The following CAMK4 variants were observed in gnomAD, a reference collection of about 807,000 sequenced individuals.
The protein encoded by CAMK4 is calcium/calmodulin dependent protein kinase IV.
In CAMK4, 22 loss-of-function variants were observed where a neutral mutation model predicts 44.9. The observed-to-expected ratio is 0.49, with a 90% CI of 0.35 to 0.70. CAMK4 has a LOEUF of 0.70. Ranked by LOEUF, CAMK4 falls within the 30% of genes least tolerant of loss-of-function variation. CAMK4 has a pLI of 0.01. For missense variants in CAMK4, 498 were observed against 586.8 expected, an observed-to-expected ratio of 0.85 and a Z score of 1.56; for synonymous variants, 218 against 215.4, an observed-to-expected ratio of 1.01 and a Z score of -0.11.
intron 1 of CAMK4, among the ~76,000 whole-genome samples, chr5:111,312,168 TC>T (rs2112672884): frequency 6.6e-6 from 1 of 152,282 alleles, no homozygotes; most frequent in East Asian, 1.9e-4. Flanking sequence ...CCAAATGCTT[TC>T]TTGCAGCTGG....
chr5:111,444,857 GA>G (rs1169239916), intron 5 of CAMK4, among the ~76,000 whole-genome samples: 1 of 152,180 alleles, frequency 6.6e-6, no homozygotes, highest in Non-Finnish European at 1.5e-5. Flanking sequence ...CTGATTGACC[GA>G]GAAGCTCAAC....
At chr5:111,294,631 G>A (rs1350740378) in intron 1 of CAMK4, among the ~76,000 whole-genome samples, 1 of 151,814 alleles carries the variant, frequency 6.6e-6, no homozygotes, top group African/African-American at 2.4e-5. Context: ...AGACACAACT[G>A]ATGCACATGT....
intron 1 of CAMK4, among the ~76,000 whole-genome samples, chr5:111,297,900 A>G (rs998566871): frequency 2.6e-5 from 4 of 152,186 alleles, no homozygotes; most frequent in African/African-American, 9.7e-5. Context: ...ACTGTATTTC[A>G]TCAATAATTA....
chr5:111,332,046 A>G (rs1487978788), intron 1 of CAMK4, among the ~76,000 whole-genome samples: 2 of 151,608 alleles, frequency 1.3e-5, no homozygotes, highest in African/African-American at 4.8e-5. Context: ...ACGACTAAAT[A>G]TTGCTCACAC....
Position 111,251,599 on chromosome 5 carries a change from C to A in CAMK4, c.161+26955C>A, listed in dbSNP as rs543603490. 4.6e-5 allele frequency among the ~76,000 whole-genome samples: 7 copies of A among 152,308 alleles called. No individual in the cohort carries two copies. The South Asian group carries it at 1.5e-3, about 32-fold the overall frequency. On this transcript the variant is annotated intron_variant, in intron 1 of 10. Transcript: ENST00000282356. ...TTTCTCAAATAAAAAACAAATACAG[C>A]TATATGGATTTAATTTGAGAAGGCC...
At chr5:111,360,406 G>C (rs1481093379) in intron 2 of CAMK4, among the ~76,000 whole-genome samples, 1 of 152,084 alleles carries the variant, frequency 6.6e-6, no homozygotes, top group Admixed American at 6.6e-5. Flanking sequence ...TACAGCTACA[G>C]ATGACTAGGG....
intron 1 of CAMK4, among the ~76,000 whole-genome samples, chr5:111,260,288 C>G (rs1394027775): frequency 2.0e-5 from 3 of 152,154 alleles, no homozygotes; most frequent in Admixed American, 6.5e-5. Flanking sequence ...CATTTTCAGT[C>G]CTTACATTAG....
Position 111,374,872 on chromosome 5 carries a change from C to G in CAMK4, c.263C>G (p.Thr88Ser), listed in dbSNP as rs1359980318. 7 of 1,611,480 alleles carry G rather than the reference C, an allele frequency of 4.3e-6. No individual in the cohort carries two copies. Among genetic ancestry groups the G allele is most frequent in the South Asian group, 1.1e-5 (1 of 91,020 alleles). ...KKTVDKKIVRTEIGVLLRLSH... is the reference protein window; with the variant it reads ...KKTVDKKIVRSEIGVLLRLSH... ...TAGGTGGACAAAAAAATCGTAAGAA[C>G]TGAGATAGGAGTTCTTCTTCGCCTC... Residue 88 changes from threonine to serine, a missense_variant, in exon 3 of 11, where the codon ACT becomes AGT. Physicochemically the swap from Thr to Ser is moderately conservative, Grantham distance 58 (BLOSUM62 1). Coordinates refer to ENST00000282356, the MANE Select transcript of CAMK4 (RefSeq NM_001744.6).
At chr5:111,266,031 C>G (rs1467684881) in intron 1 of CAMK4, 1 of 152,114 alleles carries the variant, frequency 6.6e-6, no homozygotes, top group African/African-American at 2.4e-5. Context: ...AGCATTTCTT[C>G]AGAGAGAGAA....
chr5:111,330,291 G>A (rs968787140), intron 1 of CAMK4, among the ~76,000 whole-genome samples: 1 of 151,248 alleles, frequency 6.6e-6, no homozygotes, highest in Non-Finnish European at 1.5e-5. Flanking sequence ...TTTAACAAAA[G>A]ACATAAAAGA....
intron 1 of CAMK4, among the ~76,000 whole-genome samples, chr5:111,280,938 T>C (rs892652827): frequency 6.6e-6 from 1 of 152,226 alleles, no homozygotes; most frequent in Non-Finnish European, 1.5e-5. Context: ...AGGGGAGTTT[T>C]TGGAATCTTC....
At chr5:111,231,725 C>T (rs1266591948) in intron 1 of CAMK4, among the ~76,000 whole-genome samples, 1 of 151,922 alleles carries the variant, frequency 6.6e-6, no homozygotes, top group African/African-American at 2.4e-5. Context: ...ATTTTGTTAA[C>T]CTAAATTTAT....
At chr5:111,259,659 A>T (rs72780332) in intron 1 of CAMK4, among the ~76,000 whole-genome samples, 1 of 152,314 alleles carries the variant, frequency 6.6e-6, no homozygotes, top group Non-Finnish European at 1.5e-5. Context: ...TGCCAAACTT[A>T]TATGTGGTAT....
At chr5:111,301,220 G>T (rs1291007303) in intron 1 of CAMK4, among the ~76,000 whole-genome samples, 1 of 151,942 alleles carries the variant, frequency 6.6e-6, no homozygotes, top group African/African-American at 2.4e-5. Context: ...TAGCATAATT[G>T]AAAAGATTAT....
rs56240104 is a variant in CAMK4, at chr5:111,299,615, T to C, written c.162-44409T>C. Among the ~76,000 whole-genome samples the C allele has an allele frequency of 4.3e-3, 657 of 152,358 alleles. 4 individuals carry two copies. The highest frequency in any genetic ancestry group is 0.015 in the African/African-American group (617 of 41,582). ...TTATATTGAATATATTTTGAATATA[T>C]TGATTATATTTAGTATGTTTTAGAA... On this transcript the variant is annotated intron_variant, in intron 1 of 10. Transcript: ENST00000282356.
intron 5 of CAMK4, among the ~76,000 whole-genome samples, chr5:111,437,846 C>T (rs1753699673): frequency 6.6e-6 from 1 of 152,024 alleles, no homozygotes; most frequent in African/African-American, 2.4e-5. Context: ...CCTTGAAGGC[C>T]AGGATAAAGT....
intron 4 of CAMK4, among the ~76,000 whole-genome samples, chr5:111,391,836 A>G (rs144678456): frequency 6.6e-6 from 1 of 152,320 alleles, no homozygotes; most frequent in East Asian, 1.9e-4. Context: ...TTAAAAGAAA[A>G]ATTCTTTGCC....
intron 5 of CAMK4, among the ~76,000 whole-genome samples, chr5:111,428,947 A>G (rs1448372802): frequency 1.3e-5 from 2 of 152,330 alleles, no homozygotes; most frequent in East Asian, 3.9e-4. Flanking sequence ...GAAACAAATG[A>G]TAATGGAAAC....
intron 1 of CAMK4, among the ~76,000 whole-genome samples, chr5:111,251,780 T>C (rs569378729): frequency 6.6e-6 from 1 of 152,342 alleles, no homozygotes; most frequent in East Asian, 1.9e-4. Context: ...TCAATATGTA[T>C]TCACTAATGA....
Sources: allele counts gnomAD v4.1 joint callset (sites outside exome capture counted in the v4.1 genomes callset), GRCh38; gene constraint gnomAD v4.1.1; transcripts MANE v1.5; gene names NCBI Gene and HGNC (gene_info 2026-07-23, HGNC 2026-07-21).